The following RBBP8 variants were observed in gnomAD, a reference collection of about 807,000 sequenced individuals.
RBBP8 encodes RB binding protein 8, endonuclease, also known as DNA endonuclease RBBP8.
In RBBP8, 88 loss-of-function variants were observed where a neutral mutation model predicts 108.3. The observed-to-expected ratio is 0.81, with a 90% confidence interval of 0.68 to 0.97. RBBP8 has a LOEUF of 0.97. RBBP8 is among the 50% of genes least tolerant of loss of function. The pLI, the probability that RBBP8 is intolerant of heterozygous loss-of-function variation, is 0.00. For missense variants in RBBP8, 1,023 were observed against 1,049.0 expected (o/e 0.98, Z 0.34); for synonymous variants, 332 against 348.2 (o/e 0.95, Z 0.52).
chr18:22,929,487 T>TGGGGGTGTGTGTTTAAGAGACAGGCGG (rs1480997443), upstream of RBBP8: 1 of 32,214 alleles, frequency 3.1e-5, no homozygotes, highest in African/African-American at 5.9e-5. Context: ...TGTGTGTGTG[T>TGGGGGTGTGTGTTTAAGAGACAGGCGG]GTGTGTGTGT....
chr18:23,022,645 A>ATAAAATAAAATAAAATAAAATAAAG (rs1568010293), intron 18 of RBBP8, among the ~76,000 whole-genome samples: 1 of 45,094 alleles, frequency 2.2e-5, no homozygotes, highest in African/African-American at 5.7e-5. Context: ...AATAAATAAA[A>ATAAAATAAAATAAAATAAAATAAAG]TACAATATAA....
intron 18 of RBBP8, among the ~76,000 whole-genome samples, chr18:23,022,651 T>TAAAATAAAATAAAAAAA (rs370599195): frequency 1.2e-5 from 1 of 84,372 alleles, no homozygotes; most frequent in African/African-American, 5.8e-5. Context: ...TAAAATACAA[T>TAAAATAAAATAAAAAAA]ATAAAATAAA....
chr18:22,942,917 T>C (rs1373563467), intron 2 of RBBP8, among the ~76,000 whole-genome samples: 5 of 152,204 alleles, frequency 3.3e-5, no homozygotes, highest in African/African-American at 1.2e-4. Context: ...ATATTTTCTG[T>C]GTCTAGTAAA....
At position 23,016,865 on chromosome 18, in the gene RBBP8, G is replaced by T. The variant is rs766857369; in HGVS notation, c.2395G>T (p.Val799Phe). The change falls in exon 17 of 19, where the codon GTT (valine) becomes TTT (phenylalanine). Residue 799 changes from valine (V) to phenylalanine (F), a missense_variant. Val to Phe is a conservative substitution (Grantham distance 50). Transcript: ENST00000327155. Reference sequence around the variant, plus strand: ...GCAAAATTTTCCTCATATTGAGGTGGTTCGGAAAAAAGAGGAGAGAAGAAA... The same window carrying T: ...GCAAAATTTTCCTCATATTGAGGTGTTTCGGAAAAAAGAGGAGAGAAGAAA... ...SLQNFPHIEV[V>F]RKKEERRKLL... is the part of the protein sequence containing the mutation. 1.9e-6 allele frequency: 3 copies of T among 1,613,874 alleles called. No individual in the cohort carries two copies. The highest frequency in any genetic ancestry group is 1.7e-6 in the Non-Finnish European group (2 of 1,179,928).
In RBBP8 at chr18:23,012,707, C is replaced by T. The variant is rs572182930; in HGVS notation, c.2358-4121C>T. Among the ~76,000 whole-genome samples the T allele has an allele frequency of 3.3e-5, 5 of 152,314 alleles. No homozygotes were observed. In the South Asian group the frequency reaches 1.0e-3, roughly 32 times the overall value. On this transcript the variant is annotated intron_variant, in intron 16 of 18. Transcript: ENST00000327155. ...AGTACTGATATAGAAGCTGTAGCAG[C>T]AAATGATCTAGAATATCTGGCTGAG...
At chr18:22,948,472 T>C (rs941683087) in intron 3 of RBBP8, among the ~76,000 whole-genome samples, 18 of 152,142 alleles carry the variant, frequency 1.2e-4, no homozygotes, top group African/African-American at 3.9e-4. Context: ...TTCTCAGATG[T>C]CCCTACATGC....
chr18:22,949,703 T>G lies in RBBP8; in HGVS notation c.238T>G (p.Leu80Val), dbSNP rs747463716. 1 of 1,610,594 alleles carries G rather than the reference T, an allele frequency of 6.2e-7. No homozygotes were observed. The highest frequency in any genetic ancestry group is 8.5e-7 in the Non-Finnish European group (1 of 1,176,992). Residue 80 changes from leucine (L) to valine (V), a missense_variant, in exon 4 of 19, where the codon TTA becomes GTA. Leu to Val is a conservative substitution (Grantham distance 32, BLOSUM62 1). Transcript: ENST00000327155. ...QKVLHETIKV[L>V]EDRLRAGLCD... ...AGTCCTTCATGAAACCATTAAAGTT[T>G]TAGAAGATCGGTGAGTCTGGCACTT...
At chr18:22,942,663 T>C (rs1911199433) in intron 2 of RBBP8, among the ~76,000 whole-genome samples, 1 of 152,128 alleles carries the variant, frequency 6.6e-6, no homozygotes, top group Non-Finnish European at 1.5e-5. Context: ...ACAGTGTTTA[T>C]GCTTTAAATT....
chr18:22,946,310 G>A (rs901211299), intron 2 of RBBP8, 134 bp from the exon 3 acceptor site: 59 of 1,190,822 alleles, frequency 5.0e-5, no homozygotes, highest in Middle Eastern at 3.9e-4. Flanking sequence ...CAGAGTACAC[G>A]TAAGGGGCAT....
chr18:22,922,344 G>A (rs909498855), intron 3 of RBBP8, among the ~76,000 whole-genome samples: 1 of 152,200 alleles, frequency 6.6e-6, no homozygotes. Flanking sequence ...TAGAAGTTAG[G>A]TAAAGTAGCT....
chr18:23,022,283 A>T lies in RBBP8; in HGVS notation c.2596+13A>T. ...TGTATGGAAAGAGGTGAGAGTATAG[A>T]TTGTAACATTTTATAATTATTTTTT... On this transcript the variant is annotated intron_variant, in intron 18 of 18. Coordinates refer to ENST00000327155, the MANE Select transcript of RBBP8 (RefSeq NM_002894.3). 6.3e-7 allele frequency: 1 copy of T among 1,595,388 alleles called. No homozygotes were observed. The highest frequency in any genetic ancestry group is 2.2e-5 in the East Asian group (1 of 44,754).
At chr18:22,938,629 G>A (rs577343614) in intron 2 of RBBP8, among the ~76,000 whole-genome samples, 11 of 152,298 alleles carry the variant, frequency 7.2e-5, no homozygotes, top group South Asian at 2.1e-4. Flanking sequence ...AGTGGAAAAC[G>A]TATACAATTT....
At chr18:22,926,696 G>T (rs181974091) in intron 3 of RBBP8, among the ~76,000 whole-genome samples, 5 of 152,300 alleles carry the variant, frequency 3.3e-5, no homozygotes, top group East Asian at 1.9e-4. Context: ...AAGAAGGTAT[G>T]AAGTCCAATG....
At chr18:22,914,302 G>A (rs540235508) in exon 1 of RBBP8, 83 of 152,180 alleles carry the variant, frequency 5.5e-4, no homozygotes, top group African/African-American at 1.9e-3. Flanking sequence ...TAAATAAGTC[G>A]AAGGGTAAGT....
At chr18:22,987,548 G>T (rs1170845253) in intron 8 of RBBP8, among the ~76,000 whole-genome samples, 2 of 152,048 alleles carry the variant, frequency 1.3e-5, no homozygotes, top group Non-Finnish European at 2.9e-5. Flanking sequence ...CAACCTCCCA[G>T]GCTCAAGTGA....
intron 13 of RBBP8, 105 bp from the exon 14 acceptor site, chr18:22,997,515 A>T: frequency 1.3e-6 from 1 of 757,242 alleles, no homozygotes; most frequent in Non-Finnish European, 2.3e-6. Context: ...TAAAAGTTGT[A>T]AAATGTATGT....
intron 3 of RBBP8, among the ~76,000 whole-genome samples, chr18:22,926,444 A>T (rs556077844): frequency 9.2e-5 from 14 of 152,290 alleles, no homozygotes; most frequent in Admixed American, 6.5e-4. Context: ...AATAAATAAA[A>T]AAGAAACCAT....
At chr18:22,943,729 C>T (rs1666487728) in intron 2 of RBBP8, among the ~76,000 whole-genome samples, 1 of 152,032 alleles carries the variant, frequency 6.6e-6, no homozygotes, top group African/African-American at 2.4e-5. Flanking sequence ...ATTTATAATT[C>T]AGAACCATAA....
At chr18:23,013,688 T>G (rs1018622416) in intron 16 of RBBP8, among the ~76,000 whole-genome samples, 2 of 152,238 alleles carry the variant, frequency 1.3e-5, no homozygotes, top group African/African-American at 4.8e-5. Flanking sequence ...CATCTTTGTT[T>G]TAAAATAACC....
Sources: allele counts gnomAD v4.1 joint callset (sites outside exome capture counted in the v4.1 genomes callset), GRCh38; gene constraint gnomAD v4.1.1; transcripts MANE v1.5; gene names NCBI Gene and HGNC (gene_info 2026-07-23, HGNC 2026-07-21).